Variants in COX20 observed in about 807,000 individuals in gnomAD.
The protein encoded by COX20 is cytochrome c oxidase assembly factor COX20.
In COX20, 14 loss-of-function variants were observed where a neutral mutation model predicts 14.3. The observed-to-expected ratio is 0.98, with a 90% CI of 0.65 to 1.53. COX20 has a LOEUF of 1.53. Ranked by LOEUF, COX20 falls within the 40% of genes most tolerant of loss-of-function variation. The pLI is 0.00. For missense variants in COX20, 149 were observed against 142.1 expected (o/e 1.05, Z -0.25); for synonymous variants, 56 against 51.7 (o/e 1.08, Z -0.36).
At chr1:244,839,068 G>A (rs1680093057) in intron 1 of COX20, among the ~76,000 whole-genome samples, 1 of 152,200 alleles carries the variant, frequency 6.6e-6, no homozygotes, top group African/African-American at 2.4e-5. Flanking sequence ...GGGATGACGG[G>A]TGAGCCACTG....
chr1:244,836,927 T>TC (rs1680007276), intron 1 of COX20, among the ~76,000 whole-genome samples: 1 of 151,776 alleles, frequency 6.6e-6, no homozygotes, highest in Admixed American at 6.6e-5. Context: ...GTTTTTACTG[T>TC]CCCATACACT....
chr1:244,839,328 T>A (rs963465894), intron 1 of COX20, among the ~76,000 whole-genome samples: 5 of 152,282 alleles, frequency 3.3e-5, no homozygotes, highest in Middle Eastern at 3.4e-3. Context: ...TCTATTTCTA[T>A]ACATTATTGA....
At chr1:244,835,958 G>T (rs1679966710) in intron 1 of COX20, among the ~76,000 whole-genome samples, 1 of 152,210 alleles carries the variant, frequency 6.6e-6, no homozygotes, top group African/African-American at 2.4e-5. Flanking sequence ...CAAAACTAGG[G>T]GGAGGAGGGG....
chr1:244,835,582 TGGCGGCCGGCGCGTCGGAACAGGGCGGGA>T (rs1325546799), upstream of COX20: 163 of 582,534 alleles, frequency 2.8e-4, no homozygotes, highest in East Asian at 4.5e-3. Context: ...TTCCCTAAAA[TGGCGGCCGGCGCGTCGGAACAGGGCGGGA>T]GGCGGCGGCG....
Position 244,835,776 on chromosome 1 carries a change from G to T in COX20, c.42+20G>T. The T allele has an allele frequency of 8.0e-7, 1 of 1,250,620 alleles. No homozygotes were observed. 77.5% of individuals were successfully genotyped at this position (1,250,620 alleles called of 1,614,324 possible). On this transcript the variant is annotated intron_variant, in intron 1 of 3. Coordinates refer to ENST00000411948, the MANE Select transcript of COX20 (RefSeq NM_198076.6). ...AGGAAGGTAACCTGGGGGTCGGCGG[G>T]GCGCGCGCCGCGGGTGGGCGGTGGG...
upstream of COX20, chr1:244,835,544 G>C (rs940127749): frequency 4.8e-6 from 2 of 417,328 alleles, no homozygotes; most frequent in Non-Finnish European, 8.1e-6. Flanking sequence ...GCCCGGCCCC[G>C]TGCGGCCACT....
intron 1 of COX20, 102 bp downstream of exon 1, chr1:244,835,858 C>T (rs1423554240): frequency 9.9e-6 from 8 of 811,260 alleles, no homozygotes; most frequent in Non-Finnish European, 1.0e-5. Flanking sequence ...GGCTTCTCTG[C>T]CACCCATGGG....
At chr1:244,835,527 C>T (rs1180741859), upstream of COX20, 3 of 398,320 alleles carry the variant, frequency 7.5e-6, no homozygotes, top group African/African-American at 6.2e-5. Flanking sequence ...GAACAAAGGA[C>T]ATGACAGCCC....
Position 244,835,672 on chromosome 1 carries a change from G to T in COX20, c.-43G>T. The T allele has an allele frequency of 8.1e-7, 1 of 1,234,798 alleles. No homozygotes were observed. Among genetic ancestry groups the T allele is most frequent in the Non-Finnish European group, 1.0e-6 (1 of 987,794 alleles). The allele number at this position is 1,234,798 out of a possible 1,614,324, so 76.5% of individuals were successfully genotyped here. A position where few individuals can be genotyped will look rare whatever the true frequency, so the allele number is the denominator to read the frequency against. On this transcript the variant is annotated 5_prime_UTR_variant, in exon 1 of 4. Coordinates refer to ENST00000411948, the MANE Select transcript of COX20 (RefSeq NM_198076.6). ...CGGCCAGCCGGGCTTCTGCTTCCGC[G>T]ACCCCGGCGGTGCAGGGCGGGTGGA... is the stretch of plus-strand genomic sequence containing the variant.
rs12141433 is a variant in COX20, at chr1:244,836,499, G to C, written c.42+743G>C. ...CATCTTCCCAGGCATCTTGTACGTC[G>C]TTACATTTATCATATTGGAAGGTAA... On this transcript the variant is annotated intron_variant, in intron 1 of 3. Transcript: ENST00000411948. 2,812 of 1,550,450 alleles carry C rather than the reference G, an allele frequency of 1.8e-3. 11 individuals are homozygous for C. Among genetic ancestry groups the C allele is most frequent in the Admixed American group, 3.5e-3 (181 of 50,986 alleles).
intron 1 of COX20, among the ~76,000 whole-genome samples, chr1:244,838,797 G>T (rs561946787): frequency 1.2e-3 from 179 of 148,726 alleles, no homozygotes; most frequent in Middle Eastern, 6.9e-3. Flanking sequence ...GGATTTTTGG[G>T]TTTTTTTTTT....
Position 244,844,056 on chromosome 1 carries a change from A to G in COX20, c.*880A>G, listed in dbSNP as rs1680326123. 6.6e-6 allele frequency: 1 copy of G among 152,238 alleles called. No individual in the cohort carries two copies. The highest frequency in any genetic ancestry group is 2.4e-5 in the African/African-American group (1 of 41,456). 9.4% of individuals were successfully genotyped at this position (152,238 alleles called of 1,614,324 possible). A position where few individuals can be genotyped will look rare whatever the true frequency, so the allele number is the denominator to read the frequency against. Reference sequence around the variant, plus strand: ...AAAACACAAGCTAGATGCTTAAGAAATGCTTAAAGAAATATTGGGGCGAAG... The same window carrying G: ...AAAACACAAGCTAGATGCTTAAGAAGTGCTTAAAGAAATATTGGGGCGAAG... On this transcript the variant is annotated 3_prime_UTR_variant, in exon 4 of 4. Coordinates refer to ENST00000411948, the MANE Select transcript of COX20 (RefSeq NM_198076.6).
intron 1 of COX20, among the ~76,000 whole-genome samples, chr1:244,837,388 C>T (rs1680027288): frequency 6.6e-6 from 1 of 152,074 alleles, no homozygotes; most frequent in Non-Finnish European, 1.5e-5. Context: ...AAGAATTTGT[C>T]AGTGATCATT....
chr1:244,837,508 C>T (rs2102969888), intron 1 of COX20, among the ~76,000 whole-genome samples: 1 of 152,338 alleles, frequency 6.6e-6, no homozygotes, highest in South Asian at 2.1e-4. Flanking sequence ...TAAAAACTGT[C>T]CTCTGCCACA....
chr1:244,842,616 GCCAGACC>G (rs1680252307), intron 3 of COX20: 33 of 271,296 alleles, frequency 1.2e-4, no homozygotes, highest in Non-Finnish European at 2.3e-4. Context: ...TCAAATATTT[GCCAGACC>G]TAAGAGTATG....
At position 244,843,138 on chromosome 1, in the gene COX20, G is replaced by A. The variant is rs373502901; in HGVS notation, c.319G>A (p.Asp107Asn). 1.3e-4 allele frequency: 201 copies of A among 1,594,748 alleles called. No individual in the cohort carries two copies. The highest frequency in any genetic ancestry group is 1.5e-4 in the Non-Finnish European group (182 of 1,174,718). ...KKILYEGTHL[D>N]PERKHNGSSS... is the part of the protein sequence containing the mutation. ...GATATTATATGAAGGTACCCACCTC[G>A]ATCCTGAAAGAAAACACAACGGCAG... The change falls in exon 4 of 4, where the codon GAT becomes AAT. Residue 107 changes from aspartate to asparagine, a missense_variant. Coordinates refer to ENST00000411948, the MANE Select transcript of COX20 (RefSeq NM_198076.6).
chr1:244,835,989 A>G (rs546162739), intron 1 of COX20, among the ~76,000 whole-genome samples: 53 of 152,300 alleles, frequency 3.5e-4, no homozygotes, highest in South Asian at 1.0e-3. Context: ...CTAATGACTT[A>G]CTACAGGTCA....
At chr1:244,837,240 G>T (rs1680020775) in intron 1 of COX20, among the ~76,000 whole-genome samples, 1 of 152,192 alleles carries the variant, frequency 6.6e-6, no homozygotes, top group African/African-American at 2.4e-5. Flanking sequence ...GAGGTGGGAG[G>T]CCAAAAAAAC....
chr1:244,841,355 A>G (rs1680191441), intron 1 of COX20: 1 of 152,300 alleles, frequency 6.6e-6, no homozygotes, highest in Non-Finnish European at 1.5e-5. Flanking sequence ...ATCAAATATA[A>G]TCAAGTGCAG....
Sources: gnomAD v4.1 joint callset for allele counts (sites outside exome capture counted in the v4.1 genomes callset) on GRCh38, gnomAD v4.1.1 for gene constraint, MANE v1.5 for transcripts, NCBI Gene and HGNC (gene_info 2026-07-23, HGNC 2026-07-21) for gene names.